The following ULK4 variants were observed in gnomAD, a reference collection of about 807,000 sequenced individuals.
The protein encoded by ULK4 is unc-51 like kinase 4.
ULK4 carries 133 observed loss-of-function variants against 160.6 expected under a neutral mutation model. That is an observed-to-expected ratio of 0.83 (90% CI 0.72 to 0.96). ULK4 has a LOEUF of 0.96. Ranked by LOEUF, ULK4 falls within the 40% of genes least tolerant of loss-of-function variation. The probability of loss-of-function intolerance (pLI) is 0.00; values close to 1 mark genes in which losing one functional copy is unlikely to be tolerated. For synonymous variants in ULK4, 534 were observed against 539.8 expected (o/e 0.99, Z 0.15); for missense variants, 1,580 against 1,499.5 (o/e 1.05, Z -0.89).
chr3:41,819,071 C>A (rs73077394), intron 19 of ULK4, among the ~76,000 whole-genome samples: 10 of 152,168 alleles, frequency 6.6e-5, no homozygotes, highest in African/African-American at 2.4e-4. Context: ...CTCAGGCTCA[C>A]AGAAAATTCG....
chr3:41,322,462 C>A (rs533113245), intron 35 of ULK4, among the ~76,000 whole-genome samples: 1 of 152,156 alleles, frequency 6.6e-6, no homozygotes, highest in Non-Finnish European at 1.5e-5. Flanking sequence ...CGTATGGATT[C>A]GCTGCTGCTA....
rs1173716204 is a variant in ULK4 at position 41,463,382 on chromosome 3, T to C, written c.3227-129A>G. ...AAGCAATACTTAAACTATACTCTTA[T>C]CAGATTCACTGAGGAAAGTTGTTTA... On this transcript the variant is annotated intron_variant, in intron 32 of 36. Transcript: ENST00000301831. 8.6e-6 allele frequency: 7 copies of C among 816,200 alleles called. No individual in the cohort carries two copies. In the African/African-American group the frequency reaches 8.7e-5, roughly 10 times the overall value. The allele number at this position is 816,200 out of a possible 1,614,324, so 50.6% of individuals were successfully genotyped here.
At chr3:41,637,504 G>A (rs1476166790) in intron 30 of ULK4, among the ~76,000 whole-genome samples, 1 of 152,164 alleles carries the variant, frequency 6.6e-6, no homozygotes, top group Non-Finnish European at 1.5e-5. Context: ...AATGAACATG[G>A]GAGTGCAATA....
chr3:41,500,130 G>A (rs981761252), intron 32 of ULK4, among the ~76,000 whole-genome samples: 1 of 151,362 alleles, frequency 6.6e-6, no homozygotes, highest in African/African-American at 2.4e-5. Context: ...AGATCTATCA[G>A]TTGGCTTTGT....
intron 1 of ULK4, among the ~76,000 whole-genome samples, chr3:41,956,413 A>G (rs1700487751): frequency 6.6e-6 from 1 of 152,150 alleles, no homozygotes; most frequent in Admixed American, 6.5e-5. Context: ...CGTTTTCAAT[A>G]AATCCCTGCT....
chr3:41,901,172 CTTT>C (rs201425733), intron 12 of ULK4, among the ~76,000 whole-genome samples: 1 of 119,926 alleles, frequency 8.3e-6, no homozygotes, highest in African/African-American at 3.5e-5. Flanking sequence ...AGCATGGCTT[CTTT>C]TTTTTTTTTT....
At chr3:41,266,344 T>C (rs1285029268) in intron 35 of ULK4, among the ~76,000 whole-genome samples, 1 of 152,202 alleles carries the variant, frequency 6.6e-6, no homozygotes, top group African/African-American at 2.4e-5. Flanking sequence ...GAATCTCTAA[T>C]GGGTGAAGCT....
At chr3:41,369,722 A>G (rs2081324168) in intron 35 of ULK4, among the ~76,000 whole-genome samples, 1 of 150,914 alleles carries the variant, frequency 6.6e-6, no homozygotes, top group Non-Finnish European at 1.5e-5. Context: ...TGAACTCGGG[A>G]GGCAGAGCTT....
chr3:41,543,268 C>T (rs2086754536), intron 32 of ULK4, among the ~76,000 whole-genome samples: 1 of 152,058 alleles, frequency 6.6e-6, no homozygotes, highest in African/African-American at 2.4e-5. Flanking sequence ...CCTCAGTTCA[C>T]ATGTCATCAA....
chr3:41,385,198 A>T (rs925614543), intron 35 of ULK4, among the ~76,000 whole-genome samples: 2 of 152,210 alleles, frequency 1.3e-5, no homozygotes, highest in Non-Finnish European at 2.9e-5. Flanking sequence ...ATACAACAGA[A>T]ATATGGTAAA....
At chr3:41,402,838 GT>G (rs2082210014) in intron 34 of ULK4, among the ~76,000 whole-genome samples, 1 of 152,056 alleles carries the variant, frequency 6.6e-6, no homozygotes, top group Non-Finnish European at 1.5e-5. Context: ...TAGTATCAGG[GT>G]AATATCACCC....
At chr3:41,322,633 CAAACACT>C (rs2080266823) in intron 35 of ULK4, among the ~76,000 whole-genome samples, 1 of 152,036 alleles carries the variant, frequency 6.6e-6, no homozygotes, top group Non-Finnish European at 1.5e-5. Context: ...GTAATTCCCA[CAAACACT>C]AATGTTTGAG....
chr3:41,416,974 G>A (rs1033156408), intron 34 of ULK4, among the ~76,000 whole-genome samples: 4 of 152,162 alleles, frequency 2.6e-5, no homozygotes, highest in South Asian at 2.1e-4. Flanking sequence ...ATGTACATGT[G>A]ATAGGAACAT....
chr3:41,597,247 G>A (rs1253891895), intron 31 of ULK4, among the ~76,000 whole-genome samples: 1 of 152,158 alleles, frequency 6.6e-6, no homozygotes, highest in Non-Finnish European at 1.5e-5. Flanking sequence ...ACTCTTACTT[G>A]CTCTCTCGAA....
At chr3:41,506,994 G>C (rs1161284318) in intron 32 of ULK4, among the ~76,000 whole-genome samples, 1 of 149,214 alleles carries the variant, frequency 6.7e-6, no homozygotes, top group East Asian at 2.0e-4. Flanking sequence ...TCAGTATATT[G>C]CACATATATA....
intron 25 of ULK4, among the ~76,000 whole-genome samples, chr3:41,711,157 G>A (rs903027538): frequency 6.6e-6 from 1 of 152,222 alleles, no homozygotes; most frequent in Non-Finnish European, 1.5e-5. Flanking sequence ...TGATGCAAGA[G>A]AGGCAAGGAG....
intron 1 of ULK4, among the ~76,000 whole-genome samples, chr3:41,959,882 T>C (rs1288022020): frequency 6.6e-6 from 1 of 152,216 alleles, no homozygotes; most frequent in Non-Finnish European, 1.5e-5. Flanking sequence ...GGGAAGTTAC[T>C]AAGCCAGAAA....
chr3:41,864,341 C>G (rs545145910), intron 17 of ULK4, among the ~76,000 whole-genome samples: 1 of 147,350 alleles, frequency 6.8e-6, no homozygotes, highest in Non-Finnish European at 1.5e-5. Flanking sequence ...GTTGGCAATT[C>G]AGAACTGTTT....
intron 32 of ULK4, among the ~76,000 whole-genome samples, chr3:41,543,453 G>A (rs1048195611): frequency 6.6e-6 from 1 of 152,134 alleles, no homozygotes; most frequent in Non-Finnish European, 1.5e-5. Context: ...GTGTGTGGAA[G>A]AGACAGAATC....
Sources: allele counts gnomAD v4.1 joint callset (sites outside exome capture counted in the v4.1 genomes callset), GRCh38; gene constraint gnomAD v4.1.1; transcripts MANE v1.5; gene names NCBI Gene and HGNC (gene_info 2026-07-23, HGNC 2026-07-21).